Variants in C2orf92 observed in about 807,000 individuals in gnomAD.
The protein encoded by C2orf92 is uncharacterized protein C2orf92.
rs1365292176 is a variant in C2orf92 at position 97,690,342 on chromosome 2, A to G, written c.403+15A>G. ...TCCTGATAAAGGTAAATGCAAATGC[A>G]TAAAATTGGAATTGGGGGTTGGTAA... On this transcript the variant is annotated intron_variant, in intron 5 of 7. Coordinates refer to ENST00000627399, the MANE Select transcript of C2orf92 (RefSeq NM_001351368.2). 7.5e-6 allele frequency: 3 copies of G among 398,648 alleles called. No individual in the cohort carries two copies. Among genetic ancestry groups the G allele is most frequent in the South Asian group, 2.5e-4 (2 of 7,860 alleles). The allele number at this position is 398,648 out of a possible 1,614,324, so 24.7% of individuals were successfully genotyped here.
intron 7 of C2orf92, 97 bp from the exon 8 acceptor site, chr2:97,702,572 C>T (rs2290127): frequency 0.023 from 9,326 of 397,502 alleles, 255 homozygotes; most frequent in East Asian, 0.11. Flanking sequence ...AGAATCCTCA[C>T]GCTGGGAAGC....
At chr2:97,676,450 A>G (rs1383846354) in intron 3 of C2orf92, among the ~76,000 whole-genome samples, 18 of 24,326 alleles carry the variant, frequency 7.4e-4, no homozygotes, top group African/African-American at 1.4e-3. Context: ...AAAAAAAAAG[A>G]AAAAAAAAAA....
chr2:97,674,484 G>GGTTCCGCC lies in C2orf92; in HGVS notation c.81_82insCCGTTCCG (p.Tyr28ProfsTer33). On this transcript the variant is annotated frameshift_variant, in exon 2 of 8. Transcript: ENST00000627399. LOFTEE classifies it high-confidence loss of function. ...AAATTGTGCTCCAAGTGTTTTCCAAGGTTCCGTATGACCCATCATTTGATG... is the reference window on the plus strand; with the variant it reads ...AAATTGTGCTCCAAGTGTTTTCCAAGGTTCCGCCGTTCCGTATGACCCATCATTTGATG... 5.0e-6 allele frequency: 2 copies of GGTTCCGCC among 398,578 alleles called. No individual in the cohort carries two copies. Among genetic ancestry groups the GGTTCCGCC allele is most frequent in the Middle Eastern group, 6.3e-4 (1 of 1,588 alleles). 24.7% of individuals were successfully genotyped at this position (398,578 alleles called of 1,614,324 possible).
upstream of C2orf92, among the ~76,000 whole-genome samples, chr2:97,664,891 T>C (rs1023346949): frequency 6.6e-6 from 1 of 152,236 alleles, no homozygotes; most frequent in Admixed American, 6.5e-5. Context: ...TATTTCCTCG[T>C]TGAGCACTGA....
At chr2:97,701,948 G>T (rs1473615292) in intron 7 of C2orf92, 17 of 152,298 alleles carry the variant, frequency 1.1e-4, no homozygotes, top group Admixed American at 1.1e-3. Context: ...AGATGAGGGG[G>T]CTCAGGCACA....
At chr2:97,695,731 ATTTTCTTTC>A (rs1215898840) in intron 5 of C2orf92, among the ~76,000 whole-genome samples, 1 of 148,002 alleles carries the variant, frequency 6.8e-6, no homozygotes, top group Admixed American at 6.6e-5. Flanking sequence ...TTTTTCTTTT[ATTTTCTTTC>A]TTTTCTTTTC....
chr2:97,690,248 T>C lies in C2orf92; in HGVS notation c.332-8T>C, dbSNP rs116337767. The C allele has an allele frequency of 2.6e-3, 1,050 of 399,042 alleles. 10 individuals are homozygous for C. Among genetic ancestry groups the C allele is most frequent in the Non-Finnish European group, 2.7e-3 (599 of 226,034 alleles). 24.7% of individuals were successfully genotyped at this position (399,042 alleles called of 1,614,324 possible). A position where few individuals can be genotyped will look rare whatever the true frequency, so the allele number is the denominator to read the frequency against. On this transcript the variant is annotated splice_polypyrimidine_tract_variant and splice_region_variant and intron_variant, in intron 4 of 7. Coordinates refer to ENST00000627399, the MANE Select transcript of C2orf92 (RefSeq NM_001351368.2). The stretch of plus-strand genomic sequence containing the variant: ...CTTATTGTTTTTTATTCATGTGTCT[T>C]ATCAAAGGAACCAGCATTGCTTGGA...
chr2:97,689,773 T>A (rs1159140649), intron 4 of C2orf92, among the ~76,000 whole-genome samples: 1 of 152,152 alleles, frequency 6.6e-6, no homozygotes, highest in African/African-American at 2.4e-5. Context: ...CATCAAGGCA[T>A]TCACTTTCAA....
chr2:97,673,521 G>A (rs766699796), intron 1 of C2orf92, among the ~76,000 whole-genome samples: 5 of 152,146 alleles, frequency 3.3e-5, no homozygotes, highest in Non-Finnish European at 7.3e-5. Context: ...CAGAGACATC[G>A]AATGTCGGTG....
intron 3 of C2orf92, among the ~76,000 whole-genome samples, chr2:97,679,102 C>T (rs969134797): frequency 6.6e-6 from 1 of 151,770 alleles, no homozygotes. Flanking sequence ...CTGAGAGACC[C>T]GCCTTATGAG....
intron 3 of C2orf92, 51 bp from the exon 4 acceptor site, chr2:97,688,844 A>G (rs1399194728): frequency 2.5e-6 from 1 of 398,406 alleles, no homozygotes; most frequent in African/African-American, 2.1e-5. Context: ...AGAGCAAAAT[A>G]TATCAATCCT....
chr2:97,682,911 G>A (rs1047331519), intron 3 of C2orf92, among the ~76,000 whole-genome samples: 6 of 152,052 alleles, frequency 3.9e-5, no homozygotes, highest in African/African-American at 1.4e-4. Context: ...CAGGAACAAG[G>A]CAAGGATGCC....
intron 5 of C2orf92, chr2:97,697,181 A>C (rs528687923): frequency 6.6e-6 from 1 of 152,358 alleles, no homozygotes; most frequent in East Asian, 1.9e-4. Flanking sequence ...TAAAGTTGGA[A>C]AGAAATCTGG....
upstream of C2orf92, among the ~76,000 whole-genome samples, chr2:97,666,527 C>G: frequency 1.6e-5 from 1 of 63,918 alleles, no homozygotes; most frequent in African/African-American, 7.4e-5. Flanking sequence ...GAGACTCCGT[C>G]TCAAAAAAAA....
chr2:97,678,467 T>C (rs1168769247), intron 3 of C2orf92, among the ~76,000 whole-genome samples: 1 of 151,936 alleles, frequency 6.6e-6, no homozygotes, highest in Non-Finnish European at 1.5e-5. Flanking sequence ...AGTTACTCAA[T>C]GAACTCCAAG....
At chr2:97,666,712 G>A (rs1379307360), upstream of C2orf92, among the ~76,000 whole-genome samples, 1 of 151,452 alleles carries the variant, frequency 6.6e-6, no homozygotes, top group Non-Finnish European at 1.5e-5. Context: ...GCATGATGTT[G>A]TGCGCCTGTA....
At chr2:97,670,402 T>A (rs1209541208) in intron 1 of C2orf92, 1 of 151,742 alleles carries the variant, frequency 6.6e-6, no homozygotes, top group Non-Finnish European at 1.5e-5. Flanking sequence ...TGAGGTGGGA[T>A]GATCACTTGA....
intron 5 of C2orf92, among the ~76,000 whole-genome samples, chr2:97,693,085 CTT>C (rs1431502022): frequency 6.6e-6 from 1 of 151,996 alleles, no homozygotes; most frequent in Non-Finnish European, 1.5e-5. Flanking sequence ...CAGTATTTGT[CTT>C]TTTGTGGTTG....
chr2:97,693,299 A>G (rs1010445028), intron 5 of C2orf92, among the ~76,000 whole-genome samples: 4 of 152,176 alleles, frequency 2.6e-5, no homozygotes, highest in Admixed American at 2.0e-4. Flanking sequence ...TAGGTATGCA[A>G]ATATCTCCAA....
Sources: allele counts gnomAD v4.1 joint callset (sites outside exome capture counted in the v4.1 genomes callset), GRCh38; gene constraint gnomAD v4.1.1; transcripts MANE v1.5; gene names NCBI Gene and HGNC (gene_info 2026-07-23, HGNC 2026-07-21).